Variants in TNFAIP8 observed in about 807,000 individuals in gnomAD.
The protein encoded by TNFAIP8 is tumor necrosis factor alpha-induced protein 8.
A neutral mutation model predicts 13.3 loss-of-function variants in TNFAIP8; 7 were observed. That is an observed-to-expected ratio of 0.52 (90% confidence interval 0.30 to 0.99). The LOEUF is 0.99. Ranked by LOEUF, TNFAIP8 falls within the 50% of genes least tolerant of loss-of-function variation. The pLI is 0.07. For missense variants in TNFAIP8, 258 were observed against 236.9 expected (o/e 1.09, Z -0.58); for synonymous variants, 94 against 87.6 (o/e 1.07, Z -0.41).
chr5:119,293,171 A>C (rs1445267769), intron 1 of TNFAIP8, among the ~76,000 whole-genome samples: 2 of 152,144 alleles, frequency 1.3e-5, no homozygotes, highest in Non-Finnish European at 2.9e-5. Context: ...CATTTAACAC[A>C]TGCATTACGT....
chr5:119,386,460 G>A (rs895395705), intron 1 of TNFAIP8, among the ~76,000 whole-genome samples: 1 of 152,202 alleles, frequency 6.6e-6, no homozygotes, highest in Admixed American at 6.5e-5. Flanking sequence ...GGACAATAAA[G>A]GGAATCTGGA....
At chr5:119,373,878 T>A (rs192131852) in intron 1 of TNFAIP8, among the ~76,000 whole-genome samples, 9 of 152,338 alleles carry the variant, frequency 5.9e-5, no homozygotes, top group African/African-American at 2.2e-4. Flanking sequence ...TCACAGAAGC[T>A]TACCTCTTTT....
intron 1 of TNFAIP8, among the ~76,000 whole-genome samples, chr5:119,275,425 G>T (rs1023798771): frequency 2.0e-5 from 3 of 152,110 alleles, no homozygotes; most frequent in African/African-American, 7.2e-5. Flanking sequence ...ACTGGGATGG[G>T]CATCCTTATT....
At chr5:119,273,793 C>T (rs908553850) in intron 1 of TNFAIP8, among the ~76,000 whole-genome samples, 1 of 152,096 alleles carries the variant, frequency 6.6e-6, no homozygotes. Flanking sequence ...GGGCAGGGAC[C>T]GCATCTGCAG....
intron 1 of TNFAIP8, among the ~76,000 whole-genome samples, chr5:119,298,061 A>G (rs1476213255): frequency 3.9e-5 from 6 of 152,148 alleles, no homozygotes; most frequent in Admixed American, 3.3e-4. Flanking sequence ...TCTTTATCCA[A>G]TTTGCCAGTC....
At chr5:119,303,413 A>G (rs1561991960) in intron 1 of TNFAIP8, among the ~76,000 whole-genome samples, 1 of 152,092 alleles carries the variant, frequency 6.6e-6, no homozygotes, top group Non-Finnish European at 1.5e-5. Flanking sequence ...CTGGTACAGT[A>G]TGAGCAGTGC....
At chr5:119,389,422 T>C (rs964919547) in intron 1 of TNFAIP8, among the ~76,000 whole-genome samples, 2 of 152,024 alleles carry the variant, frequency 1.3e-5, no homozygotes, top group African/African-American at 4.8e-5. Context: ...GGGGTGAGGA[T>C]AGACTGAAGG....
Position 119,392,888 on chromosome 5 carries a change from C to G in TNFAIP8, c.104C>G (p.Ser35Cys), listed in dbSNP as rs775488115. 7 of 1,581,918 alleles carry G rather than the reference C, an allele frequency of 4.4e-6. No individual in the cohort carries two copies. The highest frequency in any genetic ancestry group is 3.7e-5 in the Admixed American group (2 of 54,516). Reference protein sequence around the residue: ...AQKKILGKMVSKSIATTLIDD... With the variant: ...AQKKILGKMVCKSIATTLIDD... ...AAGAAGATCTTGGGTAAAATGGTGT[C>G]CAAATCCATCGCCACCACCTTAATA... The change falls in exon 2 of 2, where the codon TCC becomes TGC. Residue 35 changes from serine (S) to cysteine (C), a missense_variant. By Grantham distance (112) the Ser-to-Cys change is moderately radical. Coordinates refer to ENST00000504771, the MANE Select transcript of TNFAIP8 (RefSeq NM_014350.4).
intron 1 of TNFAIP8, among the ~76,000 whole-genome samples, chr5:119,387,254 A>C (rs2112854528): frequency 1.3e-5 from 2 of 152,280 alleles, no homozygotes; most frequent in South Asian, 4.1e-4. Context: ...AAGTCCCATT[A>C]GATTTAGAAT....
intron 1 of TNFAIP8, among the ~76,000 whole-genome samples, chr5:119,368,618 C>CT (rs1221743500): frequency 6.6e-6 from 1 of 152,118 alleles, no homozygotes; most frequent in African/African-American, 2.4e-5. Context: ...CTCTGAGCGT[C>CT]TATTTGTTTT....
At chr5:119,369,242 T>G (rs1436917299) in intron 1 of TNFAIP8, among the ~76,000 whole-genome samples, 1 of 151,976 alleles carries the variant, frequency 6.6e-6, no homozygotes, top group African/African-American at 2.4e-5. Flanking sequence ...TTATTAGAGA[T>G]GGGATTTCAC....
intron 1 of TNFAIP8, among the ~76,000 whole-genome samples, chr5:119,381,117 CTG>C (rs1752467180): frequency 6.6e-6 from 1 of 152,224 alleles, no homozygotes; most frequent in Admixed American, 6.5e-5. Flanking sequence ...CCTGGAGATT[CTG>C]ATTCCGTTGG....
chr5:119,372,177 T>A (rs1432472933), intron 1 of TNFAIP8, among the ~76,000 whole-genome samples: 1 of 151,338 alleles, frequency 6.6e-6, no homozygotes, highest in Non-Finnish European at 1.5e-5. Flanking sequence ...AAATTATTTT[T>A]AAATTAGCCA....
chr5:119,312,745 CAAAAAAAAAAAAA>C lies in TNFAIP8; in HGVS notation c.1+43848_1+43860del, dbSNP rs869226026. On this transcript the variant is annotated intron_variant, in intron 1 of 1. Coordinates refer to the TNFAIP8 transcript ENST00000274456. Reference sequence around the variant, plus strand: ...TGAAACCCTGTCCCTGCAAAAAATACAAAAAAAAAAAAAAAAAAAAAAGAATATGAAGATCTAC... The same window carrying C: ...TGAAACCCTGTCCCTGCAAAAAATACAAAAAAAAAGAATATGAAGATCTAC... Among the ~76,000 whole-genome samples the C allele has an allele frequency of 9.2e-5, 4 of 43,364 alleles. 1 individual carries two copies. 28.4% of individuals were successfully genotyped at this position (43,364 alleles called of 152,430 possible).
At chr5:119,372,496 G>T (rs765252410) in intron 1 of TNFAIP8, among the ~76,000 whole-genome samples, 1 of 152,064 alleles carries the variant, frequency 6.6e-6, no homozygotes, top group Non-Finnish European at 1.5e-5. Context: ...AGATATGACC[G>T]TAAACCTTGC....
intron 1 of TNFAIP8, among the ~76,000 whole-genome samples, chr5:119,286,335 A>G (rs565383039): frequency 6.6e-6 from 1 of 152,306 alleles, no homozygotes; most frequent in East Asian, 1.9e-4. Flanking sequence ...ATTAAAAAAA[A>G]GTCCCGGTTG....
chr5:119,396,317 A>G lies in TNFAIP8; in HGVS notation c.*2936A>G, dbSNP rs1413056263. Reference sequence around the variant, plus strand: ...CTCTAAAGATCTGTGTAGATGTTGTACAAAGACATTTTTCAAAGTTTTCAA... The same window carrying G: ...CTCTAAAGATCTGTGTAGATGTTGTGCAAAGACATTTTTCAAAGTTTTCAA... On this transcript the variant is annotated 3_prime_UTR_variant, in exon 2 of 2. Coordinates refer to ENST00000504771, the MANE Select transcript of TNFAIP8 (RefSeq NM_014350.4). 2.0e-5 allele frequency: 3 copies of G among 151,620 alleles called. No homozygotes were observed. The highest frequency in any genetic ancestry group is 1.9e-4 in the East Asian group (1 of 5,168). 9.4% of individuals were successfully genotyped at this position (151,620 alleles called of 1,614,324 possible).
chr5:119,351,763 T>TTTTTC (rs1484420967), upstream of TNFAIP8, among the ~76,000 whole-genome samples: 1 of 151,722 alleles, frequency 6.6e-6, no homozygotes, highest in Non-Finnish European at 1.5e-5. Flanking sequence ...TTCTTTTTTC[T>TTTTTC]TTTTCTTTTC....
At chr5:119,320,765 C>G (rs1750030122) in intron 1 of TNFAIP8, among the ~76,000 whole-genome samples, 1 of 151,944 alleles carries the variant, frequency 6.6e-6, no homozygotes, top group South Asian at 2.1e-4. Context: ...ATCACATCCC[C>G]TTTTTTTCTC....
Sources: gnomAD v4.1 joint callset for allele counts (sites outside exome capture counted in the v4.1 genomes callset) on GRCh38, gnomAD v4.1.1 for gene constraint, MANE v1.5 for transcripts, NCBI Gene and HGNC (gene_info 2026-07-23, HGNC 2026-07-21) for gene names.